The following MTRF1 variants were observed in gnomAD, a reference collection of about 807,000 sequenced individuals.
MTRF1 encodes the protein peptide chain release factor 1, mitochondrial.
A neutral mutation model predicts 62.9 loss-of-function variants in MTRF1; 51 were observed. The observed-to-expected ratio is 0.81, with a 90% CI of 0.65 to 1.02. The LOEUF is 1.02. Among genes scored for constraint, MTRF1 ranks in the 50% least tolerant of loss-of-function variants. MTRF1 has a pLI of 0.00. For missense variants in MTRF1, 446 were observed against 530.0 expected (o/e 0.84, Z 1.56); for synonymous variants, 158 against 181.9 (o/e 0.87, Z 1.06).
chr13:41,309,019 C>T, the MTRF1 span, among the ~76,000 whole-genome samples: 1 of 152,142 alleles, frequency 6.6e-6, no homozygotes, highest in Non-Finnish European at 1.5e-5. Flanking sequence ...GGATAATGGC[C>T]TCCAGCTCTA....
the MTRF1 span, among the ~76,000 whole-genome samples, chr13:41,278,762 G>A: frequency 7.9e-5 from 12 of 152,174 alleles, no homozygotes; most frequent in Non-Finnish European, 1.6e-4. Context: ...TTACCAACAG[G>A]CAATATAGCT....
chr13:41,280,360 T>A, the MTRF1 span, among the ~76,000 whole-genome samples: 1 of 152,132 alleles, frequency 6.6e-6, no homozygotes, highest in African/African-American at 2.4e-5. Flanking sequence ...CGGCTTAGAG[T>A]TGTCCTGCCT....
At chr13:41,263,427 T>G (rs1302857539) in intron 1 of MTRF1, 58 bp downstream of exon 1, 2 of 492,066 alleles carry the variant, frequency 4.1e-6, no homozygotes, top group Non-Finnish European at 7.1e-6. Context: ...TATGGAGTGA[T>G]TCCATAAAGA....
chr13:41,259,645 T>C (rs2040163086), intron 2 of MTRF1, among the ~76,000 whole-genome samples: 1 of 140,234 alleles, frequency 7.1e-6, no homozygotes, highest in African/African-American at 2.7e-5. Context: ...GAGCTTGCAG[T>C]GAGCCGAGAT....
the MTRF1 span, among the ~76,000 whole-genome samples, chr13:41,277,130 T>G: frequency 9.5e-6 from 1 of 104,810 alleles, no homozygotes; most frequent in Non-Finnish European, 2.2e-5. Flanking sequence ...TCAATTAAAC[T>G]TTTTTTTTTT....
chr13:41,289,973 G>A, the MTRF1 span, among the ~76,000 whole-genome samples: 1 of 151,968 alleles, frequency 6.6e-6, no homozygotes. Flanking sequence ...TCCACAACTA[G>A]CAGGATGCAG....
At chr13:41,288,244 T>C in the MTRF1 span, 62 of 417,622 alleles carry the variant, frequency 1.5e-4, no homozygotes, top group African/African-American at 8.0e-4. Context: ...GGGAAATGCA[T>C]TGGGTGTAAC....
chr13:41,246,728 C>T (rs2038308803), intron 5 of MTRF1, among the ~76,000 whole-genome samples: 1 of 152,192 alleles, frequency 6.6e-6, no homozygotes, highest in African/African-American at 2.4e-5. Flanking sequence ...AGTGATGCCA[C>T]AAATTTAAAT....
At chr13:41,309,390 T>C in the MTRF1 span, among the ~76,000 whole-genome samples, 1 of 132,920 alleles carries the variant, frequency 7.5e-6, no homozygotes, top group South Asian at 2.3e-4. Context: ...GTGTTTGCCA[T>C]GTTGCCCCGG....
At chr13:41,233,125 T>C (rs1221215899) in intron 7 of MTRF1, among the ~76,000 whole-genome samples, 3 of 152,204 alleles carry the variant, frequency 2.0e-5, no homozygotes, top group Non-Finnish European at 2.9e-5. Flanking sequence ...ATAATCTTTA[T>C]AGTTGGTCAG....
At chr13:41,244,509 G>A (rs1054854415) in intron 5 of MTRF1, among the ~76,000 whole-genome samples, 1 of 152,160 alleles carries the variant, frequency 6.6e-6, no homozygotes, top group Non-Finnish European at 1.5e-5. Context: ...CCTCAAGGGT[G>A]GCCCCCCAGG....
chr13:41,263,027 AGCACCAATG>A (rs2040646650), intron 1 of MTRF1, among the ~76,000 whole-genome samples: 1 of 152,226 alleles, frequency 6.6e-6, no homozygotes, highest in African/African-American at 2.4e-5. Flanking sequence ...TGTTGAAGAA[AGCACCAATG>A]GCCAGCTGTC....
At chr13:41,246,040 G>A (rs1317056727) in intron 5 of MTRF1, among the ~76,000 whole-genome samples, 1 of 88,514 alleles carries the variant, frequency 1.1e-5, no homozygotes, top group Non-Finnish European at 2.6e-5. Context: ...CTTACCTACA[G>A]CCCGAACACT....
the MTRF1 span, among the ~76,000 whole-genome samples, chr13:41,307,834 G>A: frequency 6.6e-6 from 1 of 152,120 alleles, no homozygotes; most frequent in Admixed American, 6.5e-5. Context: ...AGCAATGTGA[G>A]AACAGACTAA....
chr13:41,261,794 T>G, intron 1 of MTRF1: 1 of 985,218 alleles, frequency 1.0e-6, no homozygotes, highest in South Asian at 4.7e-5. Context: ...GTGCAATCAC[T>G]TTTCAAAAAT....
At chr13:41,244,123 C>A (rs1199572453) in intron 5 of MTRF1, among the ~76,000 whole-genome samples, 2 of 152,312 alleles carry the variant, frequency 1.3e-5, no homozygotes, top group African/African-American at 4.8e-5. Flanking sequence ...AGAAAGGGAT[C>A]ATGGGAAGAG....
chr13:41,270,617 A>G, the MTRF1 span, among the ~76,000 whole-genome samples: 1 of 152,354 alleles, frequency 6.6e-6, no homozygotes. Flanking sequence ...AAACAGCAAA[A>G]TTTACATGAT....
the MTRF1 span, chr13:41,311,424 C>T: frequency 9.0e-7 from 1 of 1,113,428 alleles, no homozygotes; most frequent in Non-Finnish European, 1.3e-6. Flanking sequence ...CCATCGCCCG[C>T]AGCCCGACTC....
chr13:41,254,307 T>G (rs1439688545), intron 3 of MTRF1, among the ~76,000 whole-genome samples: 2 of 152,160 alleles, frequency 1.3e-5, no homozygotes, highest in Non-Finnish European at 2.9e-5. Context: ...CAGACTCAAC[T>G]TTGAATTTTT....
Sources: allele counts gnomAD v4.1 joint callset (sites outside exome capture counted in the v4.1 genomes callset), GRCh38; gene constraint gnomAD v4.1.1; transcripts MANE v1.5; gene names NCBI Gene and HGNC (gene_info 2026-07-23, HGNC 2026-07-21).